TCF23: variants seen among roughly 807,000 people sequenced by gnomAD.
The protein encoded by TCF23 is transcription factor 23.
In TCF23, 7 loss-of-function variants were observed where a neutral mutation model predicts 13.0. That is an observed-to-expected ratio of 0.54 (90% CI 0.31 to 1.01). TCF23 has a LOEUF of 1.01. Among genes scored for constraint, TCF23 ranks in the 50% least tolerant of loss-of-function variants. The pLI is 0.06. For missense variants in TCF23, 257 were observed against 289.8 expected, an observed-to-expected ratio of 0.89 and a Z score of 0.82; for synonymous variants, 122 against 119.5, an observed-to-expected ratio of 1.02 and a Z score of -0.14.
intron 2 of TCF23, 78 bp from the exon 3 acceptor site, chr2:27,152,610 G>C: frequency 1.3e-6 from 2 of 1,541,448 alleles, no homozygotes; most frequent in Non-Finnish European, 1.8e-6. Flanking sequence ...GAGAAGGCTG[G>C]GTTTTGGGTG....
intron 1 of TCF23, chr2:27,149,716 G>A (rs146087948): frequency 5.1e-6 from 3 of 589,834 alleles, no homozygotes; most frequent in African/African-American, 1.8e-5. Context: ...CAGCAGCCTC[G>A]TCGTCTCAGG....
intron 2 of TCF23, among the ~76,000 whole-genome samples, chr2:27,151,153 G>A (rs1030740028): frequency 4.6e-5 from 7 of 152,082 alleles, no homozygotes; most frequent in Admixed American, 3.3e-4. Flanking sequence ...GGCTGAAAGC[G>A]GTTTGAACTC....
rs1235227162 is a variant in TCF23, at chr2:27,150,198, C to T, written c.298C>T (p.Gln100Ter). The change falls in exon 2 of 3, where the codon CAG becomes TAG. Residue 100 changes from glutamine to a stop codon, truncating the protein, a stop_gained. Coordinates refer to ENST00000296096, the MANE Select transcript of TCF23 (RefSeq NM_175769.3). LOFTEE classifies it high-confidence loss of function. This position sits in a 1 kb window ranked among gnomAD's most constrained non-coding sequence, Gnocchi z 4.1. Reference protein sequence around the residue: ...RTLRQAFLALQAALPAVPPDT... With the variant: ...RTLRQAFLAL The stretch of plus-strand genomic sequence containing the variant: ...GCTGCGCCAGGCCTTCTTGGCCTTG[C>T]AGGCTGCTCTGCCTGCCGTGCCGCC... 1 of 1,612,728 alleles carries T rather than the reference C, an allele frequency of 6.2e-7. No homozygotes were observed. The highest frequency in any genetic ancestry group is 1.7e-5 in the Admixed American group (1 of 60,016).
chr2:27,151,776 C>CCCCAGT (rs1445876108), intron 2 of TCF23, among the ~76,000 whole-genome samples: 1 of 152,028 alleles, frequency 6.6e-6, no homozygotes, highest in East Asian at 1.9e-4. Flanking sequence ...GCTGGGACTA[C>CCCCAGT]AGCCTTATGC....
intron 1 of TCF23, 45 bp downstream of exon 1, chr2:27,149,400 G>A (rs1672725062): frequency 6.5e-7 from 1 of 1,531,572 alleles, no homozygotes; most frequent in Non-Finnish European, 8.8e-7. Flanking sequence ...GGAGGAAGGG[G>A]TTGGAAGGTG....
In TCF23 at chr2:27,149,225, A is replaced by T. The variant is rs761069620; in HGVS notation, c.92A>T (p.Asp31Val). ...QAKARLLPGA[D>V]RKRSRLSRTR... ...AAAGCACGGTTGCTGCCAGGCGCTG[A>T]CAGGAAGAGGAGCCGCCTCAGCAGG... Residue 31 changes from aspartate (D) to valine (V), a missense_variant, in exon 1 of 3, where the codon GAC (aspartate) becomes GTC (valine). Transcript: ENST00000296096. 1.9e-6 allele frequency: 3 copies of T among 1,563,582 alleles called. No individual in the cohort carries two copies. In the South Asian group the frequency reaches 3.5e-5, roughly 18 times the overall value.
In TCF23 at chr2:27,151,495, G is replaced by A. The variant is rs568660557; in HGVS notation, c.465+1130G>A. Among the ~76,000 whole-genome samples the A allele has an allele frequency of 3.2e-4, 49 of 151,774 alleles. 1 individual carries two copies. The highest frequency in any genetic ancestry group is 6.8e-3 in the Middle Eastern group (2 of 294). ...ATTATAGGCGTGCACCACCATGCCC[G>A]GCTAATTTTTCTATTTTTAGTAGAG... is the stretch of plus-strand genomic sequence containing the variant. On this transcript the variant is annotated intron_variant, in intron 2 of 2. Transcript: ENST00000296096.
rs1459549733 is a variant in TCF23 at position 27,156,590 on chromosome 2, G to T, written c.*3723G>T. The T allele has an allele frequency of 1.3e-5, 2 of 149,680 alleles. No homozygotes were observed. Among genetic ancestry groups the T allele is most frequent in the Non-Finnish European group, 3.0e-5 (2 of 67,464 alleles). 9.3% of individuals were successfully genotyped at this position (149,680 alleles called of 1,614,324 possible). A position where few individuals can be genotyped will look rare whatever the true frequency, so the allele number is the denominator to read the frequency against. The stretch of plus-strand genomic sequence containing the variant: ...TTTAGTAGAGACGGGGTTTCACCAT[G>T]TTAGCCAGGATGGTCTTGATCTCCT... On this transcript the variant is annotated 3_prime_UTR_variant, in exon 3 of 3. Coordinates refer to ENST00000296096, the MANE Select transcript of TCF23 (RefSeq NM_175769.3).
rs1484963784 is a variant in TCF23 at position 27,149,316 on chromosome 2, C to T, written c.183C>T (p.Gly61=). ...AGAGATGGAGCAGAGCTACCCCTGG[C>T]CCTCGAGGGACCAGGGCTGGGGGCC... The part of the protein sequence containing the change: ...SNQRWSRATP[G]PRGTRAGGLA... Residue 61 remains glycine (G), a synonymous_variant, in exon 1 of 3, where the codon GGC becomes GGT. Coordinates refer to ENST00000296096, the MANE Select transcript of TCF23 (RefSeq NM_175769.3). The T allele has an allele frequency of 6.3e-7, 1 of 1,593,434 alleles. No homozygotes were observed.
Position 27,152,670 on chromosome 2 carries a change from C to T in TCF23, c.466-18C>T. On this transcript the variant is annotated intron_variant, in intron 2 of 2. Coordinates refer to ENST00000296096, the MANE Select transcript of TCF23 (RefSeq NM_175769.3). ...CTGCAATAGCAGCATTTCTCACTTC[C>T]CAATCTGTGTCTTGCAGAAGTGGCC... 2 of 1,607,632 alleles carry T rather than the reference C, an allele frequency of 1.2e-6. No homozygotes were observed. Among genetic ancestry groups the T allele is most frequent in the Non-Finnish European group, 1.7e-6 (2 of 1,175,722 alleles).
rs1486096587 is a variant in TCF23 at position 27,150,309 on chromosome 2, C to G, written c.409C>G (p.Pro137Ala). ...CACCCGCACACTCGGCCACGAGTTG[C>G]CTGGCCCTGCCTGGCCGCCCTTCCT... The part of the protein sequence containing the change: ...HLTRTLGHEL[P>A]GPAWPPFLRG... Residue 137 changes from proline to alanine, a missense_variant, in exon 2 of 3, where the codon CCT (proline) becomes GCT (alanine). Coordinates refer to ENST00000296096, the MANE Select transcript of TCF23 (RefSeq NM_175769.3). This position sits in a 1 kb window ranked among gnomAD's most constrained non-coding sequence, Gnocchi z 4.1. 1 of 1,613,548 alleles carries G rather than the reference C, an allele frequency of 6.2e-7. No homozygotes were observed. The highest frequency in any genetic ancestry group is 2.2e-5 in the East Asian group (1 of 44,886).
chr2:27,152,576 G>A (rs972238324), intron 2 of TCF23, 112 bp from the exon 3 acceptor site: 25 of 1,235,440 alleles, frequency 2.0e-5, no homozygotes, highest in Non-Finnish European at 2.4e-5. Context: ...TGATGGCTGG[G>A]GAAGGTGTCA....
At chr2:27,149,437 C>G (rs1356641116) in intron 1 of TCF23, 82 bp downstream of exon 1, 54 of 1,319,312 alleles carry the variant, frequency 4.1e-5, no homozygotes, top group Non-Finnish European at 5.4e-5. Context: ...GATGGTACAG[C>G]CTCACTCAGT....
At chr2:27,149,909 C>A in intron 1 of TCF23, 1 of 722,746 alleles carries the variant, frequency 1.4e-6, no homozygotes, top group Non-Finnish European at 2.3e-6. Context: ...GCTCTGCCAT[C>A]CTGCAGCCAT....
In TCF23 at chr2:27,156,621, C is replaced by T. The variant is rs905138556; in HGVS notation, c.*3754C>T. 1 of 151,496 alleles carries T rather than the reference C, an allele frequency of 6.6e-6. No homozygotes were observed. The highest frequency in any genetic ancestry group is 2.4e-5 in the African/African-American group (1 of 41,196). The allele number at this position is 151,496 out of a possible 1,614,324, so 9.4% of individuals were successfully genotyped here. ...CAGGATGGTCTTGATCTCCTGACCT[C>T]GTGATCCGCCCGCCTCGGCCTCCCA... is the stretch of plus-strand genomic sequence containing the variant. On this transcript the variant is annotated 3_prime_UTR_variant, in exon 3 of 3. Transcript: ENST00000296096.
At position 27,154,802 on chromosome 2, in the gene TCF23, T is replaced by C. The variant is rs1426927633; in HGVS notation, c.*1935T>C. The C allele has an allele frequency of 6.6e-6, 1 of 152,306 alleles. No homozygotes were observed. The highest frequency in any genetic ancestry group is 2.4e-5 in the African/African-American group (1 of 41,448). The allele number at this position is 152,306 out of a possible 1,614,324, so 9.4% of individuals were successfully genotyped here. ...ATAAAAGTCCAGCTAGAATGTACTA[T>C]TTTTAAAGCCAAACAGCAGTATCTT... is the stretch of plus-strand genomic sequence containing the variant. On this transcript the variant is annotated 3_prime_UTR_variant, in exon 3 of 3. Transcript: ENST00000296096.
At chr2:27,149,443 T>A in intron 1 of TCF23, 88 bp downstream of exon 1, 1 of 1,270,976 alleles carries the variant, frequency 7.9e-7, no homozygotes, top group Non-Finnish European at 1.1e-6. Context: ...ACAGCCTCAC[T>A]CAGTATTACC....
rs376284002 is a variant in TCF23, at chr2:27,150,248, C to T, written c.348C>T (p.Asp116=). 2.9e-5 allele frequency: 47 copies of T among 1,613,538 alleles called. No individual in the cohort carries two copies. Among genetic ancestry groups the T allele is most frequent in the Non-Finnish European group, 3.6e-5 (42 of 1,179,946 alleles). Residue 116 remains aspartate, a synonymous_variant, in exon 2 of 3, where the codon GAC becomes GAT. Transcript: ENST00000296096. The surrounding 1 kb of genome is among the most constrained non-coding windows in gnomAD (Gnocchi z 4.1). ...VPPDTKLSKL[D]VLVLAASYIA... is the part of the protein sequence containing the mutation. ...CCGACACCAAGCTCTCCAAGTTGGA[C>T]GTGCTGGTGCTCGCCGCCAGCTACA... is the stretch of plus-strand genomic sequence containing the variant.
chr2:27,151,435 G>A (rs554003795), intron 2 of TCF23, among the ~76,000 whole-genome samples: 2 of 150,936 alleles, frequency 1.3e-5, no homozygotes, highest in East Asian at 3.9e-4. Context: ...CCCGGTTCAA[G>A]TGATTCTCCT....
Sources: allele counts gnomAD v4.1 joint callset (sites outside exome capture counted in the v4.1 genomes callset), GRCh38; gene constraint gnomAD v4.1.1; non-coding constraint Gnocchi (gnomAD v3.1); transcripts MANE v1.5; gene names NCBI Gene and HGNC (gene_info 2026-07-23, HGNC 2026-07-21).